DACH2: variants seen among roughly 807,000 people sequenced by gnomAD.
The protein encoded by DACH2 is dachshund family transcription factor 2.
Under a neutral mutation model 35.8 loss-of-function variants are expected in DACH2, and 17 were observed. The observed-to-expected ratio is 0.48, with a 90% CI of 0.33 to 0.71. The LOEUF (loss-of-function observed/expected upper bound fraction) is 0.71, where lower values mean the gene tolerates loss of function less well. DACH2 is among the 30% of genes least tolerant of loss of function. DACH2 has a pLI of 0.02. For synonymous variants in DACH2, 195 were observed against 177.3 expected, an observed-to-expected ratio of 1.10 and a Z score of -0.79; for missense variants, 469 against 472.7, an observed-to-expected ratio of 0.99 and a Z score of 0.07.
At position 86,662,335 on chromosome X, in the gene DACH2, T is replaced by G. The variant is rs6623755; in HGVS notation, c.772+11168T>G. 1.2e-3 allele frequency among the ~76,000 whole-genome samples: 134 copies of G among 111,965 alleles called. 1 individual carries two copies. The East Asian group carries it at 0.022, about 18-fold the overall frequency. On this transcript the variant is annotated intron_variant, in intron 4 of 11. Transcript: ENST00000373125. ...CAAAAGGTGGGAGGTGGCTCACGCC[T>G]GTAATCCCAGCACTTTGGGAGGCCG... is the stretch of plus-strand genomic sequence containing the variant.
rs181059657 is a variant in DACH2 at position 86,649,031 on chromosome X, C to G, written c.641-2005C>G. Among the ~76,000 whole-genome samples, 275 of 110,099 alleles carry G rather than the reference C, an allele frequency of 2.5e-3. 2 individuals are homozygous for G. Among genetic ancestry groups the G allele is most frequent in the Non-Finnish European group, 3.5e-3 (184 of 52,367 alleles). On this transcript the variant is annotated intron_variant, in intron 3 of 11. Transcript: ENST00000373125. ...CCATCAGGAAACTTGGTCTTCTGCTCCATATCTTCACCTAAATAACTGACC... is the reference window on the plus strand; with the variant it reads ...CCATCAGGAAACTTGGTCTTCTGCTGCATATCTTCACCTAAATAACTGACC...
intron 4 of DACH2, among the ~76,000 whole-genome samples, chrX:86,688,191 A>T (rs2040970596): frequency 8.9e-6 from 1 of 112,075 alleles, no homozygotes. Flanking sequence ...CATGCAACCA[A>T]GGTATTCTTT....
intron 1 of DACH2, among the ~76,000 whole-genome samples, chrX:86,163,559 T>TAA (rs937303987): frequency 2.7e-5 from 3 of 111,369 alleles, no homozygotes; most frequent in African/African-American, 9.8e-5. Context: ...TACCCAATAA[T>TAA]AATCTTTTCT....
At chrX:86,505,741 T>G (rs1373664939) in intron 2 of DACH2, among the ~76,000 whole-genome samples, 1 of 112,029 alleles carries the variant, frequency 8.9e-6, no homozygotes, top group African/African-American at 3.2e-5. Context: ...ATGTTTTATT[T>G]ATTTATCTTT....
intron 1 of DACH2, among the ~76,000 whole-genome samples, chrX:86,229,542 G>T (rs1248339479): frequency 9.0e-6 from 1 of 111,443 alleles, no homozygotes; most frequent in Admixed American, 9.6e-5. Flanking sequence ...CATTGAATTT[G>T]CAGATTGCTT....
intron 1 of DACH2, chrX:86,262,972 G>A (rs541968469): frequency 3.1e-5 from 23 of 750,976 alleles, no homozygotes; most frequent in African/African-American, 4.6e-5. Context: ...CCAGACATAT[G>A]CACCCAAAGC....
At chrX:86,826,553 A>G (rs1391180252) in intron 11 of DACH2, among the ~76,000 whole-genome samples, 2 of 111,803 alleles carry the variant, frequency 1.8e-5, no homozygotes, top group Non-Finnish European at 3.8e-5. Flanking sequence ...ACAGTGTATT[A>G]TATCTTCCCC....
chrX:86,174,832 C>T (rs2031250546), intron 1 of DACH2, among the ~76,000 whole-genome samples: 1 of 110,769 alleles, frequency 9.0e-6, no homozygotes, highest in Non-Finnish European at 1.9e-5. Flanking sequence ...TACATGCCAC[C>T]ATCCCCAGTT....
intron 3 of DACH2, among the ~76,000 whole-genome samples, chrX:86,638,004 C>T (rs1364196793): frequency 1.8e-5 from 2 of 110,620 alleles, no homozygotes; most frequent in Non-Finnish European, 3.8e-5. Flanking sequence ...AATACTGATC[C>T]CAAATTATAC....
intron 7 of DACH2, among the ~76,000 whole-genome samples, chrX:86,787,224 A>G (rs985323684): frequency 2.7e-5 from 3 of 112,552 alleles, no homozygotes; most frequent in African/African-American, 9.7e-5. Flanking sequence ...TAGTGTCAAC[A>G]TAGAAGCATG....
chrX:86,740,834 T>C (rs1349702914), intron 7 of DACH2, among the ~76,000 whole-genome samples: 3 of 110,516 alleles, frequency 2.7e-5, no homozygotes, highest in Non-Finnish European at 5.7e-5. Context: ...GCCAAGGAAG[T>C]GTGGGCAATA....
chrX:86,420,203 G>A (rs1205566893), intron 2 of DACH2, among the ~76,000 whole-genome samples: 1 of 111,923 alleles, frequency 8.9e-6, no homozygotes, highest in Non-Finnish European at 1.9e-5. Context: ...AGGCATGCTG[G>A]TGAAGGTACA....
At chrX:86,220,165 CA>C (rs57964243) in intron 1 of DACH2, among the ~76,000 whole-genome samples, 1,867 of 49,882 alleles carry the variant, frequency 0.037, 54 homozygotes, top group African/African-American at 0.15. Context: ...GACTCCATCT[CA>C]AAAAAAAAAA....
At chrX:86,200,980 G>C (rs1396027194) in intron 1 of DACH2, among the ~76,000 whole-genome samples, 1 of 111,369 alleles carries the variant, frequency 9.0e-6, no homozygotes, top group Non-Finnish European at 1.9e-5. Flanking sequence ...AAAGACCCAT[G>C]CATGCATCTG....
chrX:86,179,845 C>T (rs900409397), intron 1 of DACH2, among the ~76,000 whole-genome samples: 13 of 109,986 alleles, frequency 1.2e-4, no homozygotes, highest in South Asian at 3.8e-4. Context: ...GATTGCTTAA[C>T]GAAAAGCAGT....
intron 2 of DACH2, among the ~76,000 whole-genome samples, chrX:86,399,371 G>A (rs1195641247): frequency 9.0e-6 from 1 of 111,639 alleles, no homozygotes; most frequent in African/African-American, 3.3e-5. Context: ...GGAGCATTTA[G>A]CCCATTTACA....
chrX:86,502,004 TTCC>T, intron 2 of DACH2, among the ~76,000 whole-genome samples: 1 of 89,095 alleles, frequency 1.1e-5, no homozygotes, highest in Non-Finnish European at 2.2e-5. Context: ...TAATCCTTCT[TTCC>T]TTCTTTCCTT....
chrX:86,422,871 G>A (rs1254303674), intron 2 of DACH2, among the ~76,000 whole-genome samples: 3 of 110,736 alleles, frequency 2.7e-5, no homozygotes, highest in African/African-American at 9.8e-5. Context: ...ATCTCCATGA[G>A]TTCAATTGTT....
chrX:86,803,587 G>A lies in DACH2; in HGVS notation c.1241-9269G>A, dbSNP rs190944612. Among the ~76,000 whole-genome samples the A allele has an allele frequency of 4.1e-3, 451 of 109,540 alleles. 1 individual carries two copies. The highest frequency in any genetic ancestry group is 0.019 in the Middle Eastern group (4 of 207). ...AATAGTGGAATCAATCTGATGATTC[G>A]AAATCTTACAGGGCTTTAAGGTTAC... On this transcript the variant is annotated intron_variant, in intron 7 of 11. Coordinates refer to ENST00000373125, the MANE Select transcript of DACH2 (RefSeq NM_053281.3).
Sources: gnomAD v4.1 joint callset for allele counts (sites outside exome capture counted in the v4.1 genomes callset) on GRCh38, gnomAD v4.1.1 for gene constraint, MANE v1.5 for transcripts, NCBI Gene and HGNC (gene_info 2026-07-23, HGNC 2026-07-21) for gene names.